The following ARSG variants were observed in gnomAD, a reference collection of about 807,000 sequenced individuals.
The protein encoded by ARSG is ASG.
Under a neutral mutation model 50.5 loss-of-function variants are expected in ARSG, and 37 were observed. The observed-to-expected ratio is 0.73, with a 90% CI of 0.56 to 0.96. ARSG has a LOEUF of 0.96. Ranked by LOEUF, ARSG falls within the 50% of genes least tolerant of loss-of-function variation. The pLI, the probability that ARSG is intolerant of heterozygous loss-of-function variation, is 0.00. For synonymous variants in ARSG, 225 were observed against 254.6 expected (o/e 0.88, Z 1.11); for missense variants, 629 against 675.3 (o/e 0.93, Z 0.76).
At chr17:68,320,056 G>A (rs1355234720) in intron 2 of ARSG, among the ~76,000 whole-genome samples, 1 of 152,042 alleles carries the variant, frequency 6.6e-6, no homozygotes, top group Non-Finnish European at 1.5e-5. Context: ...GGAGGCCAAG[G>A]TGGGCAGACT....
chr17:68,368,683 G>A lies in ARSG; in HGVS notation c.840G>A (p.Val280=). The change falls in exon 7 of 12, where the codon GTG becomes GTA. Residue 280 remains valine, a synonymous_variant. Coordinates refer to ENST00000621439, the MANE Select transcript of ARSG (RefSeq NM_001267727.2). ...GAGLWEMDSL[V]GQIKDKVDHT... ...GGCTCTGGGAGATGGACAGTCTGGTGGGCCAGATCAAGGACAAAGTTGACC... is the reference window on the plus strand; with the variant it reads ...GGCTCTGGGAGATGGACAGTCTGGTAGGCCAGATCAAGGACAAAGTTGACC... 1 of 1,614,060 alleles carries A rather than the reference G, an allele frequency of 6.2e-7. No individual in the cohort carries two copies. The highest frequency in any genetic ancestry group is 8.5e-7 in the Non-Finnish European group (1 of 1,179,974).
the ARSG span, among the ~76,000 whole-genome samples, chr17:68,437,470 G>T: frequency 2.0e-5 from 3 of 151,838 alleles, no homozygotes; most frequent in African/African-American, 7.3e-5. Context: ...CAGGAGAATT[G>T]CTTAAACCTG....
chr17:68,274,294 C>T lies in ARSG; in HGVS notation c.-552+14868C>T, dbSNP rs3785615. Reference sequence around the variant, plus strand: ...TAGCCCGGGCAACATGGTGAAACCCCGTCTCTACAAAAAATACAAAAATTA... The same window carrying T: ...TAGCCCGGGCAACATGGTGAAACCCTGTCTCTACAAAAAATACAAAAATTA... On this transcript the variant is annotated intron_variant, in intron 1 of 11. Coordinates refer to the ARSG transcript ENST00000448504. The T allele has an allele frequency of 2.4e-3, 948 of 390,642 alleles. 23 individuals carry two copies. The East Asian group carries it at 0.027, about 11-fold the overall frequency. The allele number at this position is 390,642 out of a possible 1,614,324, so 24.2% of individuals were successfully genotyped here. A position where few individuals can be genotyped will look rare whatever the true frequency, so the allele number is the denominator to read the frequency against.
At chr17:68,404,399 A>G (rs1045971292) in intron 11 of ARSG, among the ~76,000 whole-genome samples, 1 of 152,244 alleles carries the variant, frequency 6.6e-6, no homozygotes, top group Non-Finnish European at 1.5e-5. Context: ...TCTATAATGT[A>G]TAATTTGGTG....
At chr17:68,450,589 G>C in the ARSG span, 1 of 1,161,692 alleles carries the variant, frequency 8.6e-7, no homozygotes, top group South Asian at 1.5e-5. Context: ...CAATACCCCC[G>C]GGACACGGGG....
intron 4 of ARSG, among the ~76,000 whole-genome samples, chr17:68,349,256 C>A (rs938165576): frequency 6.6e-6 from 1 of 151,850 alleles, no homozygotes; most frequent in African/African-American, 2.4e-5. Flanking sequence ...TGAGATTGCA[C>A]CACTCCAGCC....
intron 1 of ARSG, among the ~76,000 whole-genome samples, chr17:68,265,392 G>A (rs1369188035): frequency 6.6e-6 from 1 of 152,068 alleles, no homozygotes; most frequent in Non-Finnish European, 1.5e-5. Context: ...TACTTGGGAG[G>A]CTGACGCAGG....
At chr17:68,320,619 G>A (rs1480758840) in intron 2 of ARSG, among the ~76,000 whole-genome samples, 2 of 152,152 alleles carry the variant, frequency 1.3e-5, no homozygotes, top group African/African-American at 4.8e-5. Context: ...GAGGGACTGG[G>A]CATCTGGTAC....
At chr17:68,418,226 C>T (rs1217133454) in intron 11 of ARSG, among the ~76,000 whole-genome samples, 1 of 152,140 alleles carries the variant, frequency 6.6e-6, no homozygotes, top group Non-Finnish European at 1.5e-5. Flanking sequence ...TTTGTTTTCA[C>T]TGGCAGCTAA....
At chr17:68,361,602 G>T (rs977866101) in intron 6 of ARSG, among the ~76,000 whole-genome samples, 1 of 151,618 alleles carries the variant, frequency 6.6e-6, no homozygotes, top group Non-Finnish European at 1.5e-5. Context: ...AGGTCCTTCT[G>T]CAGTCTAGAA....
upstream of ARSG, among the ~76,000 whole-genome samples, chr17:68,287,437 C>T (rs1555754649): frequency 2.0e-5 from 3 of 151,932 alleles, no homozygotes; most frequent in East Asian, 1.9e-4. Context: ...TAGTATTAAA[C>T]GTGTGAGCCA....
intron 1 of ARSG, chr17:68,259,553 A>C (rs1289004448): frequency 2.6e-5 from 4 of 152,250 alleles, no homozygotes; most frequent in East Asian, 1.9e-4. Flanking sequence ...TACAAGCCAC[A>C]TATGTAAGCT....
At chr17:68,337,982 TTC>T (rs2078102075) in intron 2 of ARSG, among the ~76,000 whole-genome samples, 1 of 152,124 alleles carries the variant, frequency 6.6e-6, no homozygotes, top group Admixed American at 6.6e-5. Context: ...TCCAGGAAAC[TTC>T]TGTTTCAGGC....
At chr17:68,390,199 G>T (rs577259858) in intron 9 of ARSG, among the ~76,000 whole-genome samples, 13 of 152,104 alleles carry the variant, frequency 8.5e-5, no homozygotes, top group African/African-American at 2.9e-4. Flanking sequence ...TGTTGGCCAG[G>T]CTGGTCTCGA....
chr17:68,318,261 A>G (rs1370867583), intron 2 of ARSG, among the ~76,000 whole-genome samples: 1 of 152,234 alleles, frequency 6.6e-6, no homozygotes, highest in Non-Finnish European at 1.5e-5. Context: ...TAGTTAAGAT[A>G]ACTCTGAGAG....
At chr17:68,405,151 T>TA (rs1235402084) in intron 11 of ARSG, among the ~76,000 whole-genome samples, 1 of 148,474 alleles carries the variant, frequency 6.7e-6, no homozygotes, top group African/African-American at 2.5e-5. Flanking sequence ...TTTTTTTTTT[T>TA]AGACTGTTTT....
Position 68,401,380 on chromosome 17 carries a change from C to T in ARSG, c.1233C>T (p.Ser411=), listed in dbSNP as rs62638719. Residue 411 remains serine, a synonymous_variant, in exon 11 of 12, where the codon AGC becomes AGT. Transcript: ENST00000621439. ...PGHRVLFHPN[S]GAAGEFGALQ... is the part of the protein sequence containing the mutation. Reference sequence around the variant, plus strand: ...CTCAGGTGCTGTTCCACCCCAACAGCGGGGCAGCTGGAGAGTTTGGAGCCC... The same window carrying T: ...CTCAGGTGCTGTTCCACCCCAACAGTGGGGCAGCTGGAGAGTTTGGAGCCC... 6.1e-4 allele frequency: 981 copies of T among 1,613,970 alleles called. 6 individuals are homozygous for T. The African/African-American group carries it at 0.012, about 19-fold the overall frequency.
chr17:68,349,599 A>G (rs1248850134), intron 4 of ARSG, among the ~76,000 whole-genome samples: 1 of 151,612 alleles, frequency 6.6e-6, no homozygotes, highest in Admixed American at 6.6e-5. Context: ...AATACAACAA[A>G]CAGGCTGGGC....
intron 8 of ARSG, 29 bp downstream of exon 8, chr17:68,370,553 C>G (rs745439115): frequency 6.2e-7 from 1 of 1,604,510 alleles, no homozygotes; most frequent in Admixed American, 1.7e-5. Flanking sequence ...GTTGGTGGAT[C>G]CCATTGCAAT....
Sources: gnomAD v4.1 joint callset for allele counts (sites outside exome capture counted in the v4.1 genomes callset) on GRCh38, gnomAD v4.1.1 for gene constraint, MANE v1.5 for transcripts, NCBI Gene and HGNC (gene_info 2026-07-23, HGNC 2026-07-21) for gene names.